TRMT9B: variants seen among roughly 807,000 people sequenced by gnomAD.
TRMT9B encodes the protein probable tRNA methyltransferase 9B.
A neutral mutation model predicts 11.5 loss-of-function variants in TRMT9B; 16 were observed. The ratio of observed to expected loss-of-function variants is 1.39; its 90% CI spans 0.94 to 2.11. The LOEUF is 2.11. Among genes scored for constraint, TRMT9B ranks in the 30% most tolerant of loss-of-function variants. The probability of loss-of-function intolerance (pLI) is 0.00; values close to 1 mark genes in which losing one functional copy is unlikely to be tolerated. For synonymous variants in TRMT9B, 274 were observed against 192.4 expected (o/e 1.42, Z -3.51); for missense variants, 941 against 553.8 (o/e 1.70, Z -7.02).
chr8:12,974,506 G>T (rs541143359), intron 1 of TRMT9B, among the ~76,000 whole-genome samples: 58 of 152,256 alleles, frequency 3.8e-4, no homozygotes, highest in African/African-American at 1.3e-3. Flanking sequence ...CAAGGGCAAT[G>T]GAAGAATGAG....
chr8:13,004,628 A>C (rs1338368632), intron 2 of TRMT9B, among the ~76,000 whole-genome samples: 1 of 151,954 alleles, frequency 6.6e-6, no homozygotes, highest in Non-Finnish European at 1.5e-5. Flanking sequence ...TCACCTTCTG[A>C]CTAAAGAGCC....
intron 1 of TRMT9B, among the ~76,000 whole-genome samples, chr8:12,960,915 G>T (rs1183523528): frequency 6.6e-6 from 1 of 152,110 alleles, no homozygotes; most frequent in Non-Finnish European, 1.5e-5. Flanking sequence ...GGCCAAAGTG[G>T]GTGGATCACG....
intron 1 of TRMT9B, among the ~76,000 whole-genome samples, chr8:12,968,402 G>A (rs1803121023): frequency 6.6e-6 from 1 of 152,186 alleles, no homozygotes; most frequent in Non-Finnish European, 1.5e-5. Context: ...TGTAAAAGGA[G>A]ACTTTTCCTT....
intron 2 of TRMT9B, among the ~76,000 whole-genome samples, chr8:12,995,134 G>A (rs1047506458): frequency 1.3e-5 from 2 of 152,160 alleles, no homozygotes; most frequent in African/African-American, 4.8e-5. Flanking sequence ...TAATACTGTG[G>A]AAATGAACAT....
At position 13,024,041 on chromosome 8, in the gene TRMT9B, C is replaced by CTTTTTTTTTTTTTTT. The variant is rs33910775; in HGVS notation, c.*2003_*2017dup. On this transcript the variant is annotated 3_prime_UTR_variant, in exon 5 of 5. Coordinates refer to ENST00000524591, the MANE Select transcript of TRMT9B (RefSeq NM_020844.3). Reference sequence around the variant, plus strand: ...AAAATTAATTTGGTTTCTTCTATTTCTTTTTTTTTTTTTTTTTTTTGAGAC... The same window carrying CTTTTTTTTTTTTTTT: ...AAAATTAATTTGGTTTCTTCTATTTCTTTTTTTTTTTTTTTTTTTTTTTTTTTTTTTTTTTGAGAC... 21 of 114,596 alleles carry CTTTTTTTTTTTTTTT rather than the reference C, an allele frequency of 1.8e-4. No individual in the cohort carries two copies. Among genetic ancestry groups the CTTTTTTTTTTTTTTT allele is most frequent in the Non-Finnish European group, 2.9e-4 (17 of 57,632 alleles). The allele number at this position is 114,596 out of a possible 1,614,324, so 7.1% of individuals were successfully genotyped here.
chr8:12,974,690 G>C (rs1416461477), intron 1 of TRMT9B, among the ~76,000 whole-genome samples: 2 of 149,436 alleles, frequency 1.3e-5, no homozygotes, highest in Non-Finnish European at 3.0e-5. Context: ...TTGATGAAAA[G>C]TAAACGACTG....
chr8:13,012,997 C>A, intron 4 of TRMT9B, 140 bp downstream of exon 4: 1 of 1,111,296 alleles, frequency 9.0e-7, no homozygotes, highest in Non-Finnish European at 1.2e-6. Flanking sequence ...ATTGTTTCAA[C>A]TACTTGACTG....
intron 3 of TRMT9B, chr8:13,006,583 A>C (rs1315732866): frequency 4.2e-6 from 6 of 1,421,558 alleles, no homozygotes; most frequent in Non-Finnish European, 5.5e-6. Flanking sequence ...CACCCTTGGC[A>C]TGCCAGTACC....
chr8:12,992,026 T>C (rs1249430055), intron 2 of TRMT9B, among the ~76,000 whole-genome samples: 1 of 152,200 alleles, frequency 6.6e-6, no homozygotes, highest in African/African-American at 2.4e-5. Context: ...CAAGTGCCCA[T>C]TGACTCACAG....
At chr8:12,986,278 C>T (rs756926403) in intron 1 of TRMT9B, among the ~76,000 whole-genome samples, 44 of 152,156 alleles carry the variant, frequency 2.9e-4, no homozygotes, top group Non-Finnish European at 5.1e-4. Flanking sequence ...TGTCGCATTT[C>T]CTCTGATGGT....
At chr8:12,999,502 T>G (rs1309051992) in intron 2 of TRMT9B, among the ~76,000 whole-genome samples, 1 of 152,136 alleles carries the variant, frequency 6.6e-6, no homozygotes, top group Non-Finnish European at 1.5e-5. Context: ...GTTTGTTATA[T>G]GTCAATTATA....
chr8:12,971,394 G>A (rs982219419), intron 1 of TRMT9B, among the ~76,000 whole-genome samples: 2 of 152,014 alleles, frequency 1.3e-5, no homozygotes, highest in Non-Finnish European at 2.9e-5. Flanking sequence ...GGGTTCTCCC[G>A]GTACAGCATT....
Position 13,021,641 on chromosome 8 carries a change from T to TG in TRMT9B, c.964dup (p.Glu322GlyfsTer31). ...GTGGAATCTTCTTCTGGAAAACACT[T>TG]GGAGTGGCTGAGAGCACCAGGCACT... On this transcript the variant is annotated frameshift_variant, in exon 5 of 5. Transcript: ENST00000524591. LOFTEE classifies it low-confidence loss of function (END_TRUNC). 1 of 1,613,788 alleles carries TG rather than the reference T, an allele frequency of 6.2e-7. No individual in the cohort carries two copies. The highest frequency in any genetic ancestry group is 1.1e-5 in the South Asian group (1 of 91,054).
chr8:13,002,711 G>C (rs1249410192), intron 2 of TRMT9B, among the ~76,000 whole-genome samples: 2 of 152,126 alleles, frequency 1.3e-5, no homozygotes, highest in African/African-American at 4.8e-5. Context: ...AATAATTGGG[G>C]CAAGAATCAT....
chr8:12,984,127 C>G (rs1250754340), intron 1 of TRMT9B, among the ~76,000 whole-genome samples: 1 of 151,924 alleles, frequency 6.6e-6, no homozygotes, highest in Non-Finnish European at 1.5e-5. Context: ...TGCTTCATGC[C>G]CAAAATTATT....
At chr8:13,017,835 G>A (rs1026065097) in intron 4 of TRMT9B, among the ~76,000 whole-genome samples, 2 of 151,198 alleles carry the variant, frequency 1.3e-5, no homozygotes, top group East Asian at 3.9e-4. Context: ...TGTTGCCCAG[G>A]CTGGTCTTGA....
At chr8:13,015,062 T>G (rs1174362552) in intron 4 of TRMT9B, among the ~76,000 whole-genome samples, 1 of 112,550 alleles carries the variant, frequency 8.9e-6, no homozygotes, top group Non-Finnish European at 1.7e-5. Flanking sequence ...CCATCTGAAA[T>G]AAATAAATAA....
chr8:12,945,981 T>C lies in TRMT9B; in HGVS notation c.-200+15T>C, dbSNP rs969166760. 5 of 152,136 alleles carry C rather than the reference T, an allele frequency of 3.3e-5. No homozygotes were observed. The highest frequency in any genetic ancestry group is 1.2e-4 in the African/African-American group (5 of 41,424). 9.4% of individuals were successfully genotyped at this position (152,136 alleles called of 1,614,324 possible). A position where few individuals can be genotyped will look rare whatever the true frequency, so the allele number is the denominator to read the frequency against. ...CTTCCTTCAAGGTATGTGTTGCAAT[T>C]TGGGGTTGCACATTTTAGTTGTGAT... On this transcript the variant is annotated intron_variant, in intron 1 of 4. Transcript: ENST00000524591.
intron 1 of TRMT9B, among the ~76,000 whole-genome samples, chr8:12,946,630 G>A (rs1217700524): frequency 6.6e-6 from 1 of 151,818 alleles, no homozygotes; most frequent in Admixed American, 6.6e-5. Flanking sequence ...CCAATTCAGA[G>A]AAACAGAATT....
Sources: allele counts gnomAD v4.1 joint callset (sites outside exome capture counted in the v4.1 genomes callset), GRCh38; gene constraint gnomAD v4.1.1; transcripts MANE v1.5; gene names NCBI Gene and HGNC (gene_info 2026-07-23, HGNC 2026-07-21).